PREX2: variants seen among roughly 807,000 people sequenced by gnomAD.
The protein encoded by PREX2 is phosphatidylinositol 3,4,5-trisphosphate-dependent Rac exchanger 2 protein.
A neutral mutation model predicts 203.2 loss-of-function variants in PREX2; 107 were observed. The ratio of observed to expected loss-of-function variants is 0.53; its 90% CI spans 0.45 to 0.62. The LOEUF is 0.62. Ranked by LOEUF, PREX2 falls within the 20% of genes least tolerant of loss-of-function variation. The pLI is 0.00. For missense variants in PREX2, 1,777 were observed against 1,955.9 expected (o/e 0.91, Z 1.72); for synonymous variants, 672 against 663.6 (o/e 1.01, Z -0.19).
intron 35 of PREX2, among the ~76,000 whole-genome samples, chr8:68,181,117 G>T (rs756568815): frequency 6.6e-6 from 1 of 152,094 alleles, no homozygotes; most frequent in Non-Finnish European, 1.5e-5. Context: ...TAGTTGCCTA[G>T]GTATTGAGCT....
chr8:68,072,620 C>G, intron 14 of PREX2, 50 bp downstream of exon 14: 2 of 1,013,364 alleles, frequency 2.0e-6, no homozygotes, highest in Non-Finnish European at 3.1e-6. Context: ...CTGCTTTAAA[C>G]TCTGAGTGTG....
At chr8:68,055,688 A>C in intron 9 of PREX2, 142 bp from the exon 10 acceptor site, 3 of 721,096 alleles carry the variant, frequency 4.2e-6, no homozygotes, top group Non-Finnish European at 6.7e-6. Flanking sequence ...CTTGAACACC[A>C]GGGCACTATT....
At chr8:68,205,735 C>T (rs190043974) in intron 37 of PREX2, among the ~76,000 whole-genome samples, 187 of 152,254 alleles carry the variant, frequency 1.2e-3, no homozygotes, top group Non-Finnish European at 2.2e-3. Context: ...TAATTAGAAG[C>T]CAGAATAAAT....
chr8:68,186,719 G>T (rs1024303781), intron 35 of PREX2, among the ~76,000 whole-genome samples: 34 of 151,930 alleles, frequency 2.2e-4, no homozygotes, highest in Admixed American at 1.0e-3. Flanking sequence ...TCACCATGTT[G>T]GTCAGGTTGG....
chr8:68,095,530 TAC>T (rs201157703), intron 21 of PREX2, among the ~76,000 whole-genome samples: 37,756 of 145,954 alleles, frequency 0.26, 4,676 homozygotes, highest in South Asian at 0.3. Context: ...CATACATACA[TAC>T]ATATATGTGT....
intron 34 of PREX2, among the ~76,000 whole-genome samples, chr8:68,152,181 G>A (rs1211170562): frequency 6.7e-6 from 1 of 150,368 alleles, no homozygotes; most frequent in East Asian, 2.0e-4. Context: ...CCCAGCTACT[G>A]GGGAGGCTGA....
Position 68,235,445 on chromosome 8 carries a change from AAC to A in PREX2, c.*4071_*4072del, listed in dbSNP as rs1813248001. 1 of 152,180 alleles carries A rather than the reference AAC, an allele frequency of 6.6e-6. No homozygotes were observed. The highest frequency in any genetic ancestry group is 1.5e-5 in the Non-Finnish European group (1 of 68,016). 9.4% of individuals were successfully genotyped at this position (152,180 alleles called of 1,614,324 possible). A position where few individuals can be genotyped will look rare whatever the true frequency, so the allele number is the denominator to read the frequency against. ...ACTCTCTCATAGCAGTAATTTCATT[AAC>A]ACATATATATACTAACCAATTTGCT... On this transcript the variant is annotated 3_prime_UTR_variant, in exon 40 of 40. Transcript: ENST00000288368.
chr8:68,197,009 T>A (rs116172474), intron 37 of PREX2, among the ~76,000 whole-genome samples: 2 of 152,156 alleles, frequency 1.3e-5, no homozygotes, highest in Non-Finnish European at 2.9e-5. Context: ...AAGTTCAAGA[T>A]CAAAGTACTG....
intron 37 of PREX2, among the ~76,000 whole-genome samples, chr8:68,198,019 A>G (rs959398831): frequency 1.3e-5 from 2 of 151,976 alleles, no homozygotes; most frequent in Non-Finnish European, 1.5e-5. Context: ...TTAATCTAAA[A>G]GAAAAAAGCC....
chr8:68,042,592 T>C (rs546857304), intron 7 of PREX2, among the ~76,000 whole-genome samples: 1 of 152,258 alleles, frequency 6.6e-6, no homozygotes. Flanking sequence ...TGAATTTTTC[T>C]ACTATTGTAT....
At chr8:68,226,144 G>C (rs773270954) in intron 39 of PREX2, among the ~76,000 whole-genome samples, 3 of 152,142 alleles carry the variant, frequency 2.0e-5, no homozygotes, top group Non-Finnish European at 4.4e-5. Context: ...GAGAGAGAAA[G>C]CAAGAGTAAT....
chr8:68,122,239 A>G (rs2129613147), intron 30 of PREX2, among the ~76,000 whole-genome samples: 1 of 152,226 alleles, frequency 6.6e-6, no homozygotes, highest in Middle Eastern at 3.4e-3. Flanking sequence ...TTTAGAGATT[A>G]GTAGAAAGGA....
chr8:68,163,910 C>T (rs1585838356), intron 35 of PREX2, among the ~76,000 whole-genome samples: 5 of 152,174 alleles, frequency 3.3e-5, no homozygotes, highest in Admixed American at 3.3e-4. Flanking sequence ...GCCAGTGACT[C>T]TCCAGTCATC....
chr8:68,217,849 T>G, intron 38 of PREX2, 131 bp downstream of exon 38: 3 of 534,004 alleles, frequency 5.6e-6, no homozygotes, highest in Non-Finnish European at 5.9e-6. Context: ...AGGTAACTCA[T>G]GAATGAGAAA....
At chr8:68,195,581 A>G (rs541142631) in intron 37 of PREX2, among the ~76,000 whole-genome samples, 1 of 152,346 alleles carries the variant, frequency 6.6e-6, no homozygotes, top group South Asian at 2.1e-4. Context: ...GGCTGTTCCT[A>G]AAATAGTCCT....
At chr8:68,035,994 T>C (rs1159220010) in intron 6 of PREX2, among the ~76,000 whole-genome samples, 1 of 152,196 alleles carries the variant, frequency 6.6e-6, no homozygotes, top group African/African-American at 2.4e-5. Context: ...TTGACTAAAC[T>C]GATGGTTTGG....
At chr8:67,987,624 A>C (rs1806472514) in intron 1 of PREX2, among the ~76,000 whole-genome samples, 1 of 152,062 alleles carries the variant, frequency 6.6e-6, no homozygotes, top group Admixed American at 6.6e-5. Flanking sequence ...ATCTGTCCTC[A>C]CACAGATCTG....
intron 33 of PREX2, 57 bp from the exon 34 acceptor site, chr8:68,146,152 G>A: frequency 3.3e-6 from 4 of 1,228,164 alleles, no homozygotes; most frequent in Non-Finnish European, 4.6e-6. Context: ...GTTAACAAAA[G>A]TACCATCTAG....
intron 1 of PREX2, among the ~76,000 whole-genome samples, chr8:68,006,700 A>G (rs1168544643): frequency 6.6e-6 from 1 of 152,218 alleles, no homozygotes; most frequent in Non-Finnish European, 1.5e-5. Context: ...AAGCTCTGCA[A>G]ATAATTGCCC....
Sources: gnomAD v4.1 joint callset for allele counts (sites outside exome capture counted in the v4.1 genomes callset) on GRCh38, gnomAD v4.1.1 for gene constraint, MANE v1.5 for transcripts, NCBI Gene and HGNC (gene_info 2026-07-23, HGNC 2026-07-21) for gene names.